Variants in XIRP2 observed in about 807,000 individuals in gnomAD.
XIRP2 encodes the protein xin actin-binding repeat-containing protein 2.
Under a neutral mutation model 277.0 loss-of-function variants are expected in XIRP2, and 236 were observed. The observed-to-expected ratio is 0.85, with a 90% CI of 0.77 to 0.95. The LOEUF is 0.95. XIRP2 is among the 40% of genes least tolerant of loss of function. The pLI is 0.00. For missense variants in XIRP2, 4,640 were observed against 4,157.5 expected, an observed-to-expected ratio of 1.12 and a Z score of -3.19; for synonymous variants, 1,490 against 1,416.5, an observed-to-expected ratio of 1.05 and a Z score of -1.17.
At chr2:167,200,500 G>A (rs1559017705) in intron 3 of XIRP2, among the ~76,000 whole-genome samples, 2 of 152,226 alleles carry the variant, frequency 1.3e-5, no homozygotes, top group African/African-American at 2.4e-5. Flanking sequence ...TGATTTTCAT[G>A]AACTTTACAT....
intron 1 of XIRP2, among the ~76,000 whole-genome samples, chr2:166,892,979 T>TACACACACACACACACACACAC (rs572313151): frequency 2.1e-5 from 3 of 145,890 alleles, no homozygotes; most frequent in African/African-American, 7.7e-5. Context: ...TATATATGTA[T>TACACACACACACACACACACAC]ATACACACAC....
intron 2 of XIRP2, among the ~76,000 whole-genome samples, chr2:167,032,084 T>C (rs549360356): frequency 2.6e-5 from 4 of 152,176 alleles, no homozygotes; most frequent in South Asian, 4.1e-4. Context: ...CAAAACAGTA[T>C]GGTACTGGTA....
Position 167,258,235 on chromosome 2 carries a change from G to T in XIRP2, c.*418G>T, listed in dbSNP as rs749999700. Reference sequence around the variant, plus strand: ...AGCTCAAAATGAGTAAACCTAAGTGGCCACCTGAAATGACAACCCTGCTAT... The same window carrying T: ...AGCTCAAAATGAGTAAACCTAAGTGTCCACCTGAAATGACAACCCTGCTAT... On this transcript the variant is annotated 3_prime_UTR_variant, in exon 11 of 11. Transcript: ENST00000409195. 1.7e-5 allele frequency: 28 copies of T among 1,612,892 alleles called. No homozygotes were observed. The highest frequency in any genetic ancestry group is 2.4e-5 in the Non-Finnish European group (28 of 1,179,580).
At chr2:167,118,029 T>C (rs1311310016) in intron 2 of XIRP2, among the ~76,000 whole-genome samples, 2 of 152,200 alleles carry the variant, frequency 1.3e-5, no homozygotes, top group Admixed American at 6.5e-5. Flanking sequence ...AATCAATATC[T>C]GGCTTTGGCA....
At chr2:167,041,436 A>G (rs1574197025) in intron 2 of XIRP2, among the ~76,000 whole-genome samples, 2 of 152,154 alleles carry the variant, frequency 1.3e-5, no homozygotes, top group East Asian at 3.9e-4. Flanking sequence ...ATCTAATAAA[A>G]TGATACAAGA....
At chr2:166,948,420 G>A (rs1404441909) in intron 2 of XIRP2, among the ~76,000 whole-genome samples, 2 of 152,004 alleles carry the variant, frequency 1.3e-5, no homozygotes, top group East Asian at 1.9e-4. Context: ...GTAGCTGGAC[G>A]TTATACAGTT....
chr2:167,174,134 G>T (rs1369043018), intron 3 of XIRP2, among the ~76,000 whole-genome samples: 2 of 152,182 alleles, frequency 1.3e-5, no homozygotes, highest in African/African-American at 2.4e-5. Flanking sequence ...CTCATAAAAT[G>T]AGTTAGGGAG....
chr2:167,126,448 T>C (rs1691206021), intron 2 of XIRP2, among the ~76,000 whole-genome samples: 1 of 151,740 alleles, frequency 6.6e-6, no homozygotes, highest in South Asian at 2.1e-4. Flanking sequence ...GATGGAGGAG[T>C]GGAAGGTACA....
chr2:167,013,739 T>C (rs1285674976), intron 2 of XIRP2, among the ~76,000 whole-genome samples: 2 of 151,612 alleles, frequency 1.3e-5, no homozygotes, highest in African/African-American at 2.4e-5. Context: ...AAAAGTAACT[T>C]ATAGACAGAA....
chr2:166,981,954 A>G (rs1369588488), intron 2 of XIRP2, among the ~76,000 whole-genome samples: 2 of 152,220 alleles, frequency 1.3e-5, no homozygotes, highest in Admixed American at 6.5e-5. Flanking sequence ...AGTTCAAAGT[A>G]TCCATTAACT....
Position 167,250,124 on chromosome 2 carries a change from C to G in XIRP2, c.8732C>G (p.Ser2911Cys). The change falls in exon 9 of 11, where the codon TCT (serine) becomes TGT (cysteine). Residue 2911 changes from serine (S) to cysteine (C), a missense_variant. By Grantham distance (112) the Ser-to-Cys change is moderately radical (BLOSUM62 -1). Transcript: ENST00000409195. The stretch of plus-strand genomic sequence containing the variant: ...GGCATACAAGAGAAACAAGTCTTCT[C>G]TAATACTAAAGATTCAAAGCAAGAG... ...VKGIQEKQVF[S>C]NTKDSKQEIT... The G allele has an allele frequency of 6.2e-7, 1 of 1,613,256 alleles. No individual in the cohort carries two copies. The highest frequency in any genetic ancestry group is 8.5e-7 in the Non-Finnish European group (1 of 1,179,634).
chr2:167,196,166 G>T (rs1693501009), intron 3 of XIRP2, among the ~76,000 whole-genome samples: 2 of 152,038 alleles, frequency 1.3e-5, no homozygotes, highest in South Asian at 2.1e-4. Flanking sequence ...AATCCCAAAT[G>T]TTCTCTATGA....
rs1695699814 is a variant in XIRP2 at position 167,257,708 on chromosome 2, A to T, written c.*40-149A>T. ...CATATAAAGTATTGGTGGTAATATT[A>T]TCTAACAGAAATGTTCAACTAATAG... On this transcript the variant is annotated intron_variant, in intron 10 of 10. Coordinates refer to ENST00000409195, the MANE Select transcript of XIRP2 (RefSeq NM_152381.6). The T allele has an allele frequency of 5.6e-6, 4 of 709,138 alleles. No homozygotes were observed. The South Asian group carries it at 8.1e-5, about 14-fold the overall frequency. 43.9% of individuals were successfully genotyped at this position (709,138 alleles called of 1,614,324 possible).
chr2:167,145,105 T>C (rs1397045128), intron 3 of XIRP2, among the ~76,000 whole-genome samples: 1 of 152,210 alleles, frequency 6.6e-6, no homozygotes, highest in Non-Finnish European at 1.5e-5. Context: ...ATTCTATCTA[T>C]AATTTTTAAA....
chr2:167,148,218 A>G (rs1691912527), intron 3 of XIRP2, among the ~76,000 whole-genome samples: 1 of 151,500 alleles, frequency 6.6e-6, no homozygotes, highest in African/African-American at 2.4e-5. Context: ...CCCATCTCTA[A>G]TAAAAATATA....
At chr2:167,190,334 T>C (rs1693292276) in intron 3 of XIRP2, among the ~76,000 whole-genome samples, 1 of 152,046 alleles carries the variant, frequency 6.6e-6, no homozygotes, top group African/African-American at 2.4e-5. Context: ...TAATCACTTA[T>C]TGTTTTTTCT....
chr2:167,037,518 GGTGTGTGTGTGTGTGT>G (rs59857626), intron 2 of XIRP2, among the ~76,000 whole-genome samples: 10 of 126,382 alleles, frequency 7.9e-5, no homozygotes, highest in Non-Finnish European at 1.7e-4. Context: ...TCATGTGGGG[GGTGTGTGTGTGTGTGT>G]GTGTGTGTGT....
intron 2 of XIRP2, among the ~76,000 whole-genome samples, chr2:167,093,069 C>T (rs545203714): frequency 6.6e-6 from 1 of 152,036 alleles, no homozygotes; most frequent in South Asian, 2.1e-4. Flanking sequence ...GTCTACTATG[C>T]CAAGTTTAAC....
At chr2:167,162,948 T>C (rs1320323546) in intron 3 of XIRP2, among the ~76,000 whole-genome samples, 1 of 152,210 alleles carries the variant, frequency 6.6e-6, no homozygotes, top group East Asian at 1.9e-4. Flanking sequence ...CTTCTCCTTG[T>C]ACTCAGCATA....
Sources: allele counts gnomAD v4.1 joint callset (sites outside exome capture counted in the v4.1 genomes callset), GRCh38; gene constraint gnomAD v4.1.1; transcripts MANE v1.5; gene names NCBI Gene and HGNC (gene_info 2026-07-23, HGNC 2026-07-21).